CADM3: variants seen among roughly 807,000 people sequenced by gnomAD.
CADM3 encodes cell adhesion molecule 3, also known as TSLC1-like 1.
Under a neutral mutation model 44.9 loss-of-function variants are expected in CADM3, and 11 were observed. That is an observed-to-expected ratio of 0.25 (90% CI 0.15 to 0.41). CADM3 has a LOEUF of 0.41. CADM3 is among the 10% of genes least tolerant of loss of function. The probability of loss-of-function intolerance (pLI) is 1.00; values close to 1 mark genes in which losing one functional copy is unlikely to be tolerated. For missense variants in CADM3, 426 were observed against 512.0 expected, an observed-to-expected ratio of 0.83 and a Z score of 1.62; for synonymous variants, 207 against 205.2, an observed-to-expected ratio of 1.01 and a Z score of -0.08.
intron 1 of CADM3, among the ~76,000 whole-genome samples, chr1:159,183,819 GA>G: frequency 6.6e-6 from 1 of 152,302 alleles, no homozygotes; most frequent in South Asian, 2.1e-4. Context: ...AGTTAGAAAG[GA>G]ATGGAGGGTA....
chr1:159,196,166 A>G (rs1649881358), intron 5 of CADM3, 198 bp from the exon 6 acceptor site: 2 of 555,348 alleles, frequency 3.6e-6, no homozygotes, highest in Non-Finnish European at 6.5e-6. Flanking sequence ...CCTATCACAC[A>G]AGGTTGCAAG....
intron 1 of CADM3, among the ~76,000 whole-genome samples, chr1:159,173,967 T>C (rs1301907849): frequency 6.6e-6 from 1 of 152,196 alleles, no homozygotes; most frequent in Non-Finnish European, 1.5e-5. Context: ...GGAAGAGAAA[T>C]GTTACATCCT....
intron 3 of CADM3, 142 bp from the exon 4 acceptor site, chr1:159,193,281 A>C: frequency 1.1e-6 from 1 of 932,050 alleles, no homozygotes; most frequent in Non-Finnish European, 1.6e-6. Flanking sequence ...GATCAAAAAG[A>C]AAGATGATTT....
chr1:159,175,179 G>A (rs1648970597), intron 1 of CADM3, among the ~76,000 whole-genome samples: 1 of 152,246 alleles, frequency 6.6e-6, no homozygotes, highest in African/African-American at 2.4e-5. Context: ...AGTTGCAGCT[G>A]TAACTGTTCT....
chr1:159,200,074 A>G (rs1049687891), intron 8 of CADM3, among the ~76,000 whole-genome samples, 198 bp downstream of exon 8: 2 of 152,094 alleles, frequency 1.3e-5, no homozygotes, highest in Non-Finnish European at 2.9e-5. Flanking sequence ...CCCCGCAGTA[A>G]AGCCTGATCA....
chr1:159,175,147 A>C (rs1473306495), intron 1 of CADM3, among the ~76,000 whole-genome samples: 4 of 151,934 alleles, frequency 2.6e-5, no homozygotes, highest in Non-Finnish European at 5.9e-5. Flanking sequence ...TGGCAGATCA[A>C]CTCCATCCAG....
intron 7 of CADM3, among the ~76,000 whole-genome samples, chr1:159,199,402 G>GAGGAAGGA (rs59474463): frequency 2.5e-4 from 37 of 148,864 alleles, no homozygotes; most frequent in Middle Eastern, 3.4e-3. Context: ...CGGAGGGAGG[G>GAGGAAGGA]AGGAAGGAAG....
chr1:159,192,550 T>C (rs761961875), intron 2 of CADM3, 28 bp from the exon 3 acceptor site: 2 of 1,614,082 alleles, frequency 1.2e-6, no homozygotes, highest in Non-Finnish European at 1.7e-6. Flanking sequence ...AGTAAAATCC[T>C]AGCTTTCCAT....
rs752726122 is a variant in CADM3 at position 159,192,705 on chromosome 1, T to C, written c.357T>C (p.Thr119=). 6.2e-7 allele frequency: 1 copy of C among 1,613,930 alleles called. No individual in the cohort carries two copies. Among genetic ancestry groups the C allele is most frequent in the Non-Finnish European group, 8.5e-7 (1 of 1,179,954 alleles). ...CAATCTTCACTATGCCTGTGCGAACTGCCAAGTCCCTCGTCACTGTGCTAG... is the reference window on the plus strand; with the variant it reads ...CAATCTTCACTATGCCTGTGCGAACCGCCAAGTCCCTCGTCACTGTGCTAG... ...TCSIFTMPVR[T]AKSLVTVLGI... is the part of the protein sequence containing the mutation. The change falls in exon 3 of 9, where the codon ACT becomes ACC. Residue 119 remains threonine (T), a synonymous_variant. Transcript: ENST00000368125.
In CADM3 at chr1:159,191,937, C is replaced by G; in HGVS notation, c.90C>G (p.Asp30Glu). ...ACTAACACTCTTCTACTCCTGCAGACAGCCAGCCCTGGACATCTGATGAAA... is the reference window on the plus strand; with the variant it reads ...ACTAACACTCTTCTACTCCTGCAGAGAGCCAGCCCTGGACATCTGATGAAA... ...APGGANLSQD[D>E]SQPWTSDETV... The change falls in exon 2 of 9, where the codon GAC becomes GAG. Residue 30 changes from aspartate to glutamate, a missense_variant and splice_region_variant. Coordinates refer to ENST00000368125, the MANE Select transcript of CADM3 (RefSeq NM_001127173.3). 2 of 1,614,044 alleles carry G rather than the reference C, an allele frequency of 1.2e-6. No individual in the cohort carries two copies. Among genetic ancestry groups the G allele is most frequent in the South Asian group, 1.1e-5 (1 of 91,080 alleles).
intron 1 of CADM3, among the ~76,000 whole-genome samples, chr1:159,190,030 C>A (rs1649585369): frequency 6.6e-6 from 1 of 152,198 alleles, no homozygotes; most frequent in South Asian, 2.1e-4. Context: ...TTAGTCTGCA[C>A]CACCAAATTC....
intron 3 of CADM3, 95 bp downstream of exon 3, chr1:159,192,825 C>A (rs1314348608): frequency 6.2e-6 from 8 of 1,293,406 alleles, no homozygotes; most frequent in Non-Finnish European, 7.5e-6. Flanking sequence ...CCAGGCAAGT[C>A]TCCAAGCACT....
At position 159,193,910 on chromosome 1, in the gene CADM3, C is replaced by T. The variant is rs1649782779; in HGVS notation, c.561C>T (p.Thr187=). ...TACAGGAAGATCCCAATGGTAAAAC[C>T]TTCACTGTCAGCAGCTCGGTGACAT... The part of the protein sequence containing the change: ...TRIQEDPNGK[T]FTVSSSVTFQ... Residue 187 remains threonine, a synonymous_variant, in exon 5 of 9, where the codon ACC becomes ACT. Transcript: ENST00000368125. 3.1e-6 allele frequency: 5 copies of T among 1,614,030 alleles called. No homozygotes were observed. The highest frequency in any genetic ancestry group is 4.2e-6 in the Non-Finnish European group (5 of 1,180,032).
chr1:159,182,456 C>T (rs1571009637), intron 1 of CADM3, among the ~76,000 whole-genome samples: 1 of 152,184 alleles, frequency 6.6e-6, no homozygotes, highest in African/African-American at 2.4e-5. Context: ...TCAATGAGTA[C>T]AGGTCTCACT....
intron 1 of CADM3, among the ~76,000 whole-genome samples, chr1:159,185,818 T>C (rs1379530058): frequency 6.6e-6 from 1 of 152,190 alleles, no homozygotes; most frequent in African/African-American, 2.4e-5. Context: ...TAAAGAAATA[T>C]TTATTAAGCA....
At chr1:159,173,940 C>G (rs1316814339) in intron 1 of CADM3, among the ~76,000 whole-genome samples, 1 of 152,206 alleles carries the variant, frequency 6.6e-6, no homozygotes, top group African/African-American at 2.4e-5. Flanking sequence ...AGCCCCTATT[C>G]AGGCTTAAAG....
chr1:159,193,724 C>G lies in CADM3; in HGVS notation c.521-146C>G, dbSNP rs543870762. 37 of 1,408,294 alleles carry G rather than the reference C, an allele frequency of 2.6e-5. 1 individual carries two copies. Among genetic ancestry groups the G allele is most frequent in the Admixed American group, 7.7e-5 (4 of 51,694 alleles). 87.2% of individuals were successfully genotyped at this position (1,408,294 alleles called of 1,614,324 possible). ...CTATGTGTGTGTTGGGGCCTACATT[C>G]TCCCTGCCACAACTTTCTAAGTTTA... On this transcript the variant is annotated intron_variant, in intron 4 of 8. Transcript: ENST00000368125.
At chr1:159,198,825 G>T (rs1650019347) in intron 7 of CADM3, among the ~76,000 whole-genome samples, 1 of 152,164 alleles carries the variant, frequency 6.6e-6, no homozygotes. Flanking sequence ...TATACAGGTT[G>T]TCAATCCTCT....
At chr1:159,193,625 C>T (rs950617153) in intron 4 of CADM3, 65 bp downstream of exon 4, 4 of 1,598,940 alleles carry the variant, frequency 2.5e-6, no homozygotes, top group African/African-American at 2.7e-5. Context: ...AAGTGCCTGT[C>T]TGTGAACGTA....
Sources: allele counts gnomAD v4.1 joint callset (sites outside exome capture counted in the v4.1 genomes callset), GRCh38; gene constraint gnomAD v4.1.1; transcripts MANE v1.5; gene names NCBI Gene and HGNC (gene_info 2026-07-23, HGNC 2026-07-21).